Variants in HSD17B12 observed in about 807,000 individuals in gnomAD.
The protein encoded by HSD17B12 is very-long-chain 3-oxoacyl-CoA reductase.
HSD17B12 carries 32 observed loss-of-function variants against 39.3 expected under a neutral mutation model. That is an observed-to-expected ratio of 0.81 (90% confidence interval 0.61 to 1.09). The LOEUF (loss-of-function observed/expected upper bound fraction) is 1.09. HSD17B12 is among the 50% of genes least tolerant of loss of function. The pLI is 0.00. For synonymous variants in HSD17B12, 150 were observed against 146.7 expected (o/e 1.02, Z -0.16); for missense variants, 342 against 382.9 (o/e 0.89, Z 0.89).
chr11:43,687,059 AGAATGCATGGGTAAACGGATTT>A (rs1259782720), intron 1 of HSD17B12, among the ~76,000 whole-genome samples: 1 of 152,258 alleles, frequency 6.6e-6, no homozygotes, highest in Non-Finnish European at 1.5e-5. Context: ...TTATAAGTTT[AGAATGCATGGGTAAACGGATTT>A]GAATAGATCA....
At chr11:43,557,787 C>T in the HSD17B12 span, among the ~76,000 whole-genome samples, 6 of 151,994 alleles carry the variant, frequency 3.9e-5, no homozygotes, top group Non-Finnish European at 7.4e-5. Context: ...AAGGAGGGAA[C>T]GGCTGGAGCT....
intron 9 of HSD17B12, among the ~76,000 whole-genome samples, chr11:43,845,302 T>C (rs994817133): frequency 2.0e-5 from 3 of 152,226 alleles, no homozygotes; most frequent in African/African-American, 7.2e-5. Context: ...GATATTCTCA[T>C]ATGTAACCAC....
At chr11:43,676,010 G>A (rs1018234734), upstream of HSD17B12, among the ~76,000 whole-genome samples, 29 of 152,084 alleles carry the variant, frequency 1.9e-4, no homozygotes, top group African/African-American at 7.0e-4. Context: ...TAATTGGGAG[G>A]CTGAGGAAGG....
intron 3 of HSD17B12, among the ~76,000 whole-genome samples, chr11:43,765,474 GT>G (rs755490551): frequency 3.4e-4 from 49 of 143,824 alleles, no homozygotes; most frequent in Admixed American, 4.1e-4. Flanking sequence ...TATCACTTAA[GT>G]TTTTTTTTTT....
At chr11:43,706,723 G>A (rs1223011417) in intron 1 of HSD17B12, among the ~76,000 whole-genome samples, 1 of 74,158 alleles carries the variant, frequency 1.3e-5, no homozygotes, top group Non-Finnish European at 3.1e-5. Context: ...TGTGTGTGTT[G>A]TGGGGGGTGG....
At chr11:43,801,997 A>AT (rs749555502) in intron 4 of HSD17B12, among the ~76,000 whole-genome samples, 5,013 of 150,098 alleles carry the variant, frequency 0.033, 111 homozygotes, top group Non-Finnish European at 0.052. Context: ...TTTAATTTTT[A>AT]TTTTTTGAGA....
chr11:43,840,807 G>A (rs1364424823), intron 9 of HSD17B12, among the ~76,000 whole-genome samples: 2 of 152,090 alleles, frequency 1.3e-5, no homozygotes, highest in Non-Finnish European at 2.9e-5. Context: ...TACCTGTTGG[G>A]TATTGTAAAT....
At chr11:43,709,266 C>T (rs1013063149) in intron 1 of HSD17B12, among the ~76,000 whole-genome samples, 19 of 152,208 alleles carry the variant, frequency 1.2e-4, no homozygotes, top group African/African-American at 4.3e-4. Context: ...GCGGGGATTA[C>T]AGGCGCGCAC....
At chr11:43,718,413 C>A (rs1198888712) in intron 1 of HSD17B12, among the ~76,000 whole-genome samples, 1 of 152,166 alleles carries the variant, frequency 6.6e-6, no homozygotes, top group Admixed American at 6.5e-5. Context: ...TATGAGATTT[C>A]TTAGGCACAG....
intron 1 of HSD17B12, among the ~76,000 whole-genome samples, chr11:43,718,110 T>C (rs1028635204): frequency 5.9e-5 from 9 of 152,184 alleles, no homozygotes; most frequent in Admixed American, 5.9e-4. Flanking sequence ...TGGCCAGTTC[T>C]ACCAAATTAT....
At chr11:43,720,099 A>G (rs1047255479) in intron 1 of HSD17B12, among the ~76,000 whole-genome samples, 3 of 152,310 alleles carry the variant, frequency 2.0e-5, no homozygotes, top group African/African-American at 4.8e-5. Context: ...CAAGGTCTCA[A>G]CAAAAGATCT....
chr11:43,816,980 A>ATATATCTATATCTATATC (rs57362643), intron 6 of HSD17B12, among the ~76,000 whole-genome samples: 4 of 132,876 alleles, frequency 3.0e-5, no homozygotes, highest in African/African-American at 8.7e-5. Context: ...ATTCCATCAT[A>ATATATCTATATCTATATC]TATATCTATA....
chr11:43,778,838 C>G (rs971286049), intron 3 of HSD17B12, among the ~76,000 whole-genome samples: 3 of 152,178 alleles, frequency 2.0e-5, no homozygotes, highest in African/African-American at 7.2e-5. Flanking sequence ...TCAAGTTTTT[C>G]TCTTTACAAG....
the HSD17B12 span, among the ~76,000 whole-genome samples, chr11:43,558,310 T>A: frequency 6.6e-6 from 1 of 152,144 alleles, no homozygotes; most frequent in African/African-American, 2.4e-5. Flanking sequence ...GATATCATTA[T>A]CCCTTCTCCC....
intron 3 of HSD17B12, among the ~76,000 whole-genome samples, chr11:43,763,703 T>G (rs1307500389): frequency 1.3e-5 from 2 of 151,288 alleles, no homozygotes; most frequent in African/African-American, 4.8e-5. Context: ...TTAAAATACG[T>G]TAACTTTACA....
intron 1 of HSD17B12, among the ~76,000 whole-genome samples, chr11:43,687,543 G>A (rs1949812975): frequency 6.6e-6 from 1 of 152,192 alleles, no homozygotes; most frequent in African/African-American, 2.4e-5. Flanking sequence ...AAGCTGGAGT[G>A]ACAGGAAGGG....
At chr11:43,637,902 G>A in the HSD17B12 span, among the ~76,000 whole-genome samples, 1 of 152,164 alleles carries the variant, frequency 6.6e-6, no homozygotes, top group African/African-American at 2.4e-5. Context: ...TTAACATTAG[G>A]CAAGCCAGTG....
At chr11:43,776,482 T>A (rs1950705435) in intron 3 of HSD17B12, among the ~76,000 whole-genome samples, 1 of 152,158 alleles carries the variant, frequency 6.6e-6, no homozygotes, top group South Asian at 2.1e-4. Flanking sequence ...TTTGTTTGAG[T>A]TCATTGTAGA....
intron 3 of HSD17B12, among the ~76,000 whole-genome samples, chr11:43,796,973 A>G (rs905412542): frequency 6.6e-6 from 1 of 152,144 alleles, no homozygotes; most frequent in Non-Finnish European, 1.5e-5. Context: ...TCTGTCTCTA[A>G]CTTCCCATTA....
Sources: gnomAD v4.1 joint callset for allele counts (sites outside exome capture counted in the v4.1 genomes callset) on GRCh38, gnomAD v4.1.1 for gene constraint, MANE v1.5 for transcripts, NCBI Gene and HGNC (gene_info 2026-07-23, HGNC 2026-07-21) for gene names.